The following TEAD1 variants were observed in gnomAD, a reference collection of about 807,000 sequenced individuals.
TEAD1 encodes transcriptional enhancer factor TEF-1.
Under a neutral mutation model 54.9 loss-of-function variants are expected in TEAD1, and 9 were observed. The ratio of observed to expected loss-of-function variants is 0.16; its 90% CI spans 0.10 to 0.29. TEAD1 has a LOEUF of 0.29. TEAD1 is among the 10% of genes least tolerant of loss of function. The pLI is 1.00. For missense variants in TEAD1, 387 were observed against 535.9 expected, an observed-to-expected ratio of 0.72 and a Z score of 2.74; for synonymous variants, 200 against 187.8, an observed-to-expected ratio of 1.07 and a Z score of -0.53.
chr11:12,821,526 C>G (rs888529633), intron 3 of TEAD1, among the ~76,000 whole-genome samples: 2 of 152,178 alleles, frequency 1.3e-5, no homozygotes, highest in Non-Finnish European at 2.9e-5. Flanking sequence ...GCCTTTTTAT[C>G]TATTAAATGG....
chr11:12,701,294 T>C (rs572114475), intron 2 of TEAD1, among the ~76,000 whole-genome samples: 70 of 152,302 alleles, frequency 4.6e-4, no homozygotes, highest in African/African-American at 1.6e-3. Flanking sequence ...GCCAAAAAAG[T>C]TGGTTGAAGG....
At chr11:12,719,949 GTTTTTTTTTTTTTTTTTT>G (rs1200965763) in intron 2 of TEAD1, among the ~76,000 whole-genome samples, 158 of 39,906 alleles carry the variant, frequency 4.0e-3, no homozygotes, top group Non-Finnish European at 8.3e-3. Flanking sequence ...GAAATCTAAT[GTTTTTTTTTTTTTTTTTT>G]TTTTTTTTTT....
chr11:12,776,249 TGTA>T (rs2133941729), intron 3 of TEAD1, among the ~76,000 whole-genome samples: 1 of 152,294 alleles, frequency 6.6e-6, no homozygotes, highest in African/African-American at 2.4e-5. Context: ...CCAACATTCA[TGTA>T]TTATGGTAAG....
chr11:12,757,513 A>G (rs974239118), intron 2 of TEAD1, among the ~76,000 whole-genome samples: 1 of 152,236 alleles, frequency 6.6e-6, no homozygotes, highest in Non-Finnish European at 1.5e-5. Flanking sequence ...TTAGTTGCCA[A>G]TAATTGTGAT....
At chr11:12,857,604 G>GTGTA (rs2134061153) in intron 3 of TEAD1, among the ~76,000 whole-genome samples, 1 of 151,952 alleles carries the variant, frequency 6.6e-6, no homozygotes, top group South Asian at 2.1e-4. Flanking sequence ...GTGTGTGTGT[G>GTGTA]TGTGTGTGTT....
chr11:12,677,898 G>A (rs1024558752), intron 2 of TEAD1, among the ~76,000 whole-genome samples: 7 of 152,164 alleles, frequency 4.6e-5, no homozygotes, highest in African/African-American at 1.7e-4. Context: ...TGTGTTAATT[G>A]TGAGCATAAT....
chr11:12,714,446 C>T lies in TEAD1; in HGVS notation c.-55+38885C>T, dbSNP rs374315237. Among the ~76,000 whole-genome samples, 11 of 152,002 alleles carry T rather than the reference C, an allele frequency of 7.2e-5. No homozygotes were observed. The East Asian group carries it at 1.2e-3, about 16-fold the overall frequency. On this transcript the variant is annotated intron_variant, in intron 2 of 12. Transcript: ENST00000527636. The stretch of plus-strand genomic sequence containing the variant: ...TCATTCTGTTGCCCAGGCTGGAGTG[C>T]GGTGGTGGACCACACCTGGCTAATT...
At chr11:12,774,041 T>A (rs1001239727) in intron 3 of TEAD1, among the ~76,000 whole-genome samples, 4 of 152,220 alleles carry the variant, frequency 2.6e-5, no homozygotes, top group Non-Finnish European at 5.9e-5. Context: ...TGTTATGGCT[T>A]GGTCGTAGGA....
intron 3 of TEAD1, among the ~76,000 whole-genome samples, chr11:12,775,400 G>A (rs1411612057): frequency 2.0e-5 from 3 of 152,278 alleles, no homozygotes; most frequent in African/African-American, 7.2e-5. Flanking sequence ...TGGATTCAAC[G>A]ATGTTTCTCT....
At chr11:12,719,700 G>T (rs776914127) in intron 2 of TEAD1, among the ~76,000 whole-genome samples, 15 of 152,102 alleles carry the variant, frequency 9.9e-5, no homozygotes, top group Non-Finnish European at 1.8e-4. Context: ...TAATCTGGGT[G>T]AAGCCGTGGG....
intron 10 of TEAD1, among the ~76,000 whole-genome samples, chr11:12,910,215 C>T (rs1948593474): frequency 6.6e-6 from 1 of 152,138 alleles, no homozygotes; most frequent in Non-Finnish European, 1.5e-5. Flanking sequence ...GTGTAGCTCA[C>T]AGCTGACTGT....
chr11:12,851,175 T>C, intron 3 of TEAD1: 1 of 853,646 alleles, frequency 1.2e-6, no homozygotes, highest in Non-Finnish European at 1.4e-6. Flanking sequence ...ACGTGGAATC[T>C]TAAAAAAAAG....
intron 2 of TEAD1, among the ~76,000 whole-genome samples, chr11:12,700,380 G>A (rs1460917074): frequency 6.6e-6 from 1 of 152,168 alleles, no homozygotes; most frequent in Admixed American, 6.5e-5. Context: ...CCCAACCTGT[G>A]TGCACTTTAT....
At chr11:12,915,413 G>C (rs546056097) in intron 10 of TEAD1, among the ~76,000 whole-genome samples, 1 of 152,162 alleles carries the variant, frequency 6.6e-6, no homozygotes, top group Non-Finnish European at 1.5e-5. Context: ...CCTAGCACCC[G>C]CCTCCAAGGA....
chr11:12,847,857 G>C (rs1947188128), intron 3 of TEAD1, among the ~76,000 whole-genome samples: 2 of 152,156 alleles, frequency 1.3e-5, no homozygotes, highest in African/African-American at 4.8e-5. Flanking sequence ...CCAAGCAGCT[G>C]TCCTGAATCT....
chr11:12,766,076 T>C (rs1194988537), intron 3 of TEAD1, among the ~76,000 whole-genome samples: 2 of 152,210 alleles, frequency 1.3e-5, no homozygotes, highest in African/African-American at 2.4e-5. Flanking sequence ...CTCATTTGCT[T>C]ACCCAAAAAT....
At chr11:12,932,209 CT>C (rs1367151682) in intron 12 of TEAD1, among the ~76,000 whole-genome samples, 3 of 152,116 alleles carry the variant, frequency 2.0e-5, no homozygotes, top group African/African-American at 7.2e-5. Flanking sequence ...TTTAATGGCC[CT>C]TTGGTGAAAA....
chr11:12,832,107 A>G (rs1946796718), intron 3 of TEAD1, among the ~76,000 whole-genome samples: 1 of 151,480 alleles, frequency 6.6e-6, no homozygotes, highest in African/African-American at 2.4e-5. Flanking sequence ...CCCAACCCTC[A>G]TGGTGATTAA....
At chr11:12,854,798 C>CT (rs1947339951) in intron 3 of TEAD1, among the ~76,000 whole-genome samples, 1 of 148,556 alleles carries the variant, frequency 6.7e-6, no homozygotes, top group Non-Finnish European at 1.5e-5. Context: ...GGGTCTCACT[C>CT]TCAGCCAGGC....
Sources: allele counts gnomAD v4.1 joint callset (sites outside exome capture counted in the v4.1 genomes callset), GRCh38; gene constraint gnomAD v4.1.1; transcripts MANE v1.5; gene names NCBI Gene and HGNC (gene_info 2026-07-23, HGNC 2026-07-21).